Variants in AKT3 observed in about 807,000 individuals in gnomAD.
AKT3 encodes AKT serine/threonine kinase 3, also known as RAC-gamma serine/threonine-protein kinase.
AKT3 carries 15 observed loss-of-function variants against 65.3 expected under a neutral mutation model. The observed-to-expected ratio is 0.23, with a 90% CI of 0.15 to 0.35. AKT3 has a LOEUF of 0.35. Ranked by LOEUF, AKT3 falls within the 10% of genes least tolerant of loss-of-function variation. AKT3 has a pLI of 1.00. For synonymous variants in AKT3, 206 were observed against 183.8 expected, an observed-to-expected ratio of 1.12 and a Z score of -0.98; for missense variants, 243 against 576.5, an observed-to-expected ratio of 0.42 and a Z score of 5.92.
chr1:243,492,611 T>C (rs1574410329), intron 13 of AKT3, among the ~76,000 whole-genome samples: 1 of 142,550 alleles, frequency 7.0e-6, no homozygotes. Context: ...GCTGTTTTTT[T>C]TTTTTTTTTT....
intron 8 of AKT3, among the ~76,000 whole-genome samples, chr1:243,587,439 C>T (rs527432559): frequency 2.0e-5 from 3 of 152,178 alleles, no homozygotes; most frequent in Non-Finnish European, 2.9e-5. Context: ...AGCGAAACCC[C>T]GTCCCTACCA....
chr1:243,785,668 G>A (rs1037864255), intron 2 of AKT3, among the ~76,000 whole-genome samples: 8 of 152,144 alleles, frequency 5.3e-5, no homozygotes, highest in African/African-American at 1.4e-4. Flanking sequence ...GGCTAGATGT[G>A]TCGTAGGATG....
chr1:243,507,184 G>A (rs1207669904), intron 13 of AKT3, among the ~76,000 whole-genome samples: 1 of 152,168 alleles, frequency 6.6e-6, no homozygotes, highest in Non-Finnish European at 1.5e-5. Flanking sequence ...GGACTCCTGG[G>A]GCCATGGCCA....
chr1:243,752,386 C>T (rs1688863717), intron 2 of AKT3, among the ~76,000 whole-genome samples: 1 of 152,148 alleles, frequency 6.6e-6, no homozygotes, highest in African/African-American at 2.4e-5. Flanking sequence ...GACACTAATT[C>T]AGCCTTTTTG....
At chr1:243,616,199 C>T (rs1040512314) in intron 6 of AKT3, among the ~76,000 whole-genome samples, 2 of 151,166 alleles carry the variant, frequency 1.3e-5, no homozygotes, top group Admixed American at 1.3e-4. Context: ...TTATGCCTCA[C>T]CCTGCTTCCA....
chr1:243,695,984 A>G (rs1355289981), intron 2 of AKT3, among the ~76,000 whole-genome samples: 3 of 151,858 alleles, frequency 2.0e-5, no homozygotes, highest in Admixed American at 2.0e-4. Flanking sequence ...CTGAGTACAC[A>G]TTTTGTTCAG....
chr1:243,512,571 T>C, intron 12 of AKT3, 145 bp from the exon 13 acceptor site: 1 of 582,996 alleles, frequency 1.7e-6, no homozygotes, highest in Non-Finnish European at 2.9e-6. Flanking sequence ...ACATGATATT[T>C]GGCTTCCCAG....
At chr1:243,780,206 A>G (rs1431473692) in intron 2 of AKT3, among the ~76,000 whole-genome samples, 9 of 152,098 alleles carry the variant, frequency 5.9e-5, no homozygotes, top group Non-Finnish European at 2.9e-5. Flanking sequence ...GAAAGTTGGT[A>G]AACACTACTG....
chr1:243,774,543 T>C (rs982345754), intron 2 of AKT3, among the ~76,000 whole-genome samples: 1 of 152,212 alleles, frequency 6.6e-6, no homozygotes, highest in Non-Finnish European at 1.5e-5. Context: ...CCTGCCTTCT[T>C]ATCACAAGTA....
intron 9 of AKT3, among the ~76,000 whole-genome samples, chr1:243,566,191 C>CGT (rs1422077082): frequency 6.6e-6 from 1 of 152,016 alleles, no homozygotes; most frequent in Non-Finnish European, 1.5e-5. Flanking sequence ...TACCTAGCTC[C>CGT]GTGTGTGTGT....
chr1:243,555,100 C>G (rs1231066161), intron 10 of AKT3, among the ~76,000 whole-genome samples: 3 of 152,094 alleles, frequency 2.0e-5, no homozygotes, highest in African/African-American at 7.2e-5. Context: ...ACATACGTGC[C>G]TTAATTGATC....
chr1:243,665,439 G>C (rs1228892448), intron 3 of AKT3, among the ~76,000 whole-genome samples: 5 of 152,034 alleles, frequency 3.3e-5, no homozygotes, highest in African/African-American at 1.2e-4. Context: ...TAAGCTTTTT[G>C]ACAATATAAA....
At chr1:243,831,456 A>G (rs1244484112) in intron 2 of AKT3, among the ~76,000 whole-genome samples, 1 of 151,782 alleles carries the variant, frequency 6.6e-6, no homozygotes, top group Non-Finnish European at 1.5e-5. Flanking sequence ...ACTTAAAAAG[A>G]CAGAGGGGAA....
In AKT3 at chr1:243,552,752, G is replaced by C. The variant is rs1203842041; in HGVS notation, c.1140C>G (p.Leu380=). The C allele has an allele frequency of 3.1e-6, 5 of 1,613,682 alleles. No individual in the cohort carries two copies. Among genetic ancestry groups the C allele is most frequent in the Non-Finnish European group, 4.2e-6 (5 of 1,179,922 alleles). ...ACCGTTTATTTGGATCCTTTATCAA[G>C]AGCCCTGAAAGCAATGATTTTGCAT... is the stretch of plus-strand genomic sequence containing the variant. ...SSDAKSLLSG[L]LIKDPNKRLG... is the part of the protein sequence containing the mutation. Residue 380 remains leucine (L), a synonymous_variant, in exon 11 of 14, where the codon CTC becomes CTG. Coordinates refer to ENST00000673466, the MANE Select transcript of AKT3 (RefSeq NM_005465.7).
At chr1:243,614,467 A>C (rs566366411) in intron 7 of AKT3, among the ~76,000 whole-genome samples, 1 of 152,268 alleles carries the variant, frequency 6.6e-6, no homozygotes, top group Non-Finnish European at 1.5e-5. Context: ...TATTACAAGG[A>C]ATCTAAGAAC....
intron 2 of AKT3, chr1:243,814,416 C>T (rs147325545): frequency 6.6e-6 from 1 of 152,102 alleles, no homozygotes; most frequent in East Asian, 1.9e-4. Flanking sequence ...AAGAATAAAA[C>T]AAATGGAAAA....
intron 2 of AKT3, among the ~76,000 whole-genome samples, chr1:243,783,693 T>C (rs981793299): frequency 6.6e-6 from 1 of 152,204 alleles, no homozygotes; most frequent in African/African-American, 2.4e-5. Flanking sequence ...TATTCTTCTC[T>C]ATAGTCTTCT....
At chr1:243,760,784 C>T (rs1310889103) in intron 2 of AKT3, among the ~76,000 whole-genome samples, 1 of 152,026 alleles carries the variant, frequency 6.6e-6, no homozygotes, top group African/African-American at 2.4e-5. Flanking sequence ...TGAAGTCTCA[C>T]CTAGTGTTTC....
intron 2 of AKT3, among the ~76,000 whole-genome samples, chr1:243,813,421 G>C (rs981582906): frequency 6.6e-6 from 1 of 151,210 alleles, no homozygotes; most frequent in East Asian, 1.9e-4. Context: ...CCAAAATCTC[G>C]TAAGTCACCA....
Sources: gnomAD v4.1 joint callset for allele counts (sites outside exome capture counted in the v4.1 genomes callset) on GRCh38, gnomAD v4.1.1 for gene constraint, MANE v1.5 for transcripts, NCBI Gene and HGNC (gene_info 2026-07-23, HGNC 2026-07-21) for gene names.